The following ERVW-1 variants were observed in gnomAD, a reference collection of about 807,000 sequenced individuals.
The protein encoded by ERVW-1 is syncytin-1.
In ERVW-1, 21 loss-of-function variants were observed where a neutral mutation model predicts 16.6. The observed-to-expected ratio is 1.26, with a 90% CI of 0.90 to 1.82. ERVW-1 has a LOEUF of 1.82. Among genes scored for constraint, ERVW-1 ranks in the 40% most tolerant of loss-of-function variants. ERVW-1 has a pLI of 0.00. For missense variants in ERVW-1, 412 were observed against 300.2 expected (o/e 1.37, Z -2.75); for synonymous variants, 161 against 109.8 (o/e 1.47, Z -2.92).
intron 1 of ERVW-1, chr7:92,471,496 T>A (rs1790347208): frequency 6.6e-6 from 1 of 152,226 alleles, no homozygotes; most frequent in African/African-American, 2.4e-5. Context: ...CTTCAGTGGC[T>A]AGCCGTCCCG....
chr7:92,473,446 C>T (rs1790423966), intron 1 of ERVW-1, among the ~76,000 whole-genome samples: 1 of 151,946 alleles, frequency 6.6e-6, no homozygotes, highest in Admixed American at 6.6e-5. Context: ...TTTAGTTTAA[C>T]TTGAACAGGA....
Position 92,469,918 on chromosome 7 carries a change from T to C in ERVW-1, c.464A>G (p.His155Arg). The C allele has an allele frequency of 1.3e-6, 1 of 778,656 alleles. No individual in the cohort carries two copies. Among genetic ancestry groups the C allele is most frequent in the East Asian group, 2.4e-5 (1 of 41,246 alleles). The allele number at this position is 778,656 out of a possible 1,614,324, so 48.2% of individuals were successfully genotyped here. The change falls in exon 2 of 2, where the codon CAT (histidine) becomes CGT (arginine). Residue 155 changes from histidine to arginine, a missense_variant. Transcript: ENST00000603053. ...GCGAGTATGGGTACGGAGGGTTTCA[T>C]GTAGTTTTGAGAGATCTAGTCCTTT... ...PYKGLDLSKL[H>R]ETLRTHTRLV...
At chr7:92,470,654 C>T (rs972277332) in intron 1 of ERVW-1, 46 bp from the exon 2 acceptor site, 2 of 326,554 alleles carry the variant, frequency 6.1e-6, no homozygotes, top group East Asian at 5.5e-5. Flanking sequence ...AATACCATGT[C>T]ACAAGGGTGG....
At position 92,469,932 on chromosome 7, in the gene ERVW-1, A is replaced by T. The variant is rs1386389556; in HGVS notation, c.450T>A (p.Asp150Glu). 2.6e-6 allele frequency: 2 copies of T among 778,308 alleles called. No homozygotes were observed. Among genetic ancestry groups the T allele is most frequent in the Non-Finnish European group, 4.8e-6 (2 of 417,676 alleles). 48.2% of individuals were successfully genotyped at this position (778,308 alleles called of 1,614,324 possible). The change falls in exon 2 of 2, where the codon GAT (aspartate) becomes GAA (glutamate). Residue 150 changes from aspartate to glutamate, a missense_variant. By Grantham distance (45) the Asp-to-Glu change is conservative. Transcript: ENST00000603053. ...GGAGGGTTTCATGTAGTTTTGAGAG[A>T]TCTAGTCCTTTGTAGGGGCTAGAGG... ...HGTSSPYKGLDLSKLHETLRT... is the reference protein window; with the variant it reads ...HGTSSPYKGLELSKLHETLRT...
intron 1 of ERVW-1, among the ~76,000 whole-genome samples, chr7:92,473,703 G>T (rs1790434152): frequency 6.6e-6 from 1 of 151,816 alleles, no homozygotes; most frequent in African/African-American, 2.4e-5. Context: ...TCTAGTGACT[G>T]CCCGTCTTAG....
rs774778642 is a variant in ERVW-1 at position 92,469,303 on chromosome 7, C to T, written c.1079G>A (p.Arg360Gln). The T allele has an allele frequency of 3.3e-5, 25 of 764,536 alleles. No individual in the cohort carries two copies. The highest frequency in any genetic ancestry group is 2.4e-4 in the East Asian group (10 of 41,252). The allele number at this position is 764,536 out of a possible 1,614,324, so 47.4% of individuals were successfully genotyped here. The change falls in exon 2 of 2, where the codon CGG (arginine) becomes CAG (glutamine). Residue 360 changes from arginine to glutamine, a missense_variant. Physicochemically the swap from Arg to Gln is conservative, Grantham distance 43. Coordinates refer to ENST00000603053, the MANE Select transcript of ERVW-1 (RefSeq NM_001130925.2). ...LSQELNGDMERVADSLVTLQD... is the reference protein window; with the variant it reads ...LSQELNGDMEQVADSLVTLQD... Reference sequence around the variant, plus strand: ...CAAGGTGACCAGGGAGTCGGCGACCCGTTCCATGTCCCCATTTAGTTCTTG... The same window carrying T: ...CAAGGTGACCAGGGAGTCGGCGACCTGTTCCATGTCCCCATTTAGTTCTTG...
Position 92,469,549 on chromosome 7 carries a change from C to A in ERVW-1, c.833G>T (p.Arg278Leu). 1.3e-6 allele frequency: 1 copy of A among 765,792 alleles called. No individual in the cohort carries two copies. The highest frequency in any genetic ancestry group is 2.4e-6 in the Non-Finnish European group (1 of 417,622). The allele number at this position is 765,792 out of a possible 1,614,324, so 47.4% of individuals were successfully genotyped here. A position where few individuals can be genotyped will look rare whatever the true frequency, so the allele number is the denominator to read the frequency against. ...IFFVCGTSAY[R>L]CLNGSSESMC... ...AGATTCTGAAGAGCCATTCAAACAA[C>A]GATAGGCTGAGGTACCACAGACAAA... The change falls in exon 2 of 2, where the codon CGT becomes CTT. Residue 278 changes from arginine (R) to leucine (L), a missense_variant. Transcript: ENST00000603053.
Position 92,468,861 on chromosome 7 carries a change from G to C in ERVW-1, c.1521C>G (p.Ser507Arg). ...IYRRPLDRPA[S>R]PRSDVNDIKG... ...TGATGTCATTAACATCAGATCGTGG[G>C]CTAGCAGGCCGGTCCAGGGGTCTGC... The change falls in exon 2 of 2, where the codon AGC becomes AGG. Residue 507 changes from serine (S) to arginine (R), a missense_variant. Transcript: ENST00000603053. 1 of 764,454 alleles carries C rather than the reference G, an allele frequency of 1.3e-6. No homozygotes were observed. The highest frequency in any genetic ancestry group is 2.4e-6 in the Non-Finnish European group (1 of 417,868). 47.4% of individuals were successfully genotyped at this position (764,454 alleles called of 1,614,324 possible).
chr7:92,477,120 A>C (rs1790575553), intron 1 of ERVW-1, among the ~76,000 whole-genome samples: 1 of 152,114 alleles, frequency 6.6e-6, no homozygotes, highest in African/African-American at 2.4e-5. Context: ...GGAGTTCAGG[A>C]CGACAGCTTT....
intron 1 of ERVW-1, among the ~76,000 whole-genome samples, chr7:92,476,101 C>T (rs555642000): frequency 7.2e-5 from 11 of 152,126 alleles, no homozygotes; most frequent in Admixed American, 4.6e-4. Flanking sequence ...TAGGTCTGGT[C>T]GGACCTTTGT....
rs141113085 is a variant in ERVW-1, at chr7:92,468,565, A to G, written c.*200T>C. On this transcript the variant is annotated 3_prime_UTR_variant, in exon 2 of 2. Transcript: ENST00000603053. ...TTTCTTTACCTCCTGTCTTTGCCTA[A>G]TTAGCATTTTAGTGAGCTCTCTGAT... 0.05 allele frequency: 22,644 copies of G among 450,830 alleles called. 1,625 individuals are homozygous for G. Among genetic ancestry groups the G allele is most frequent in the East Asian group, 0.28 (7,434 of 26,880 alleles). The allele number at this position is 450,830 out of a possible 1,614,324, so 27.9% of individuals were successfully genotyped here.
rs771774380 is a variant in ERVW-1, at chr7:92,469,683, T to A, written c.699A>T (p.Ser233=). Reference sequence around the variant, plus strand: ...TGCTAAATTTTACACAGGTGAGGTTTGAGGTATGGGTTATTTCCAGATTGG... The same window carrying A: ...TGCTAAATTTTACACAGGTGAGGTTAGAGGTATGGGTTATTTCCAGATTGG... ...LVSNLEITHT[S]NLTCVKFSNT... is the part of the protein sequence containing the mutation. Residue 233 remains serine, a synonymous_variant, in exon 2 of 2, where the codon TCA becomes TCT. Coordinates refer to ENST00000603053, the MANE Select transcript of ERVW-1 (RefSeq NM_001130925.2). 2.6e-6 allele frequency: 2 copies of A among 764,286 alleles called. No homozygotes were observed. The highest frequency in any genetic ancestry group is 4.8e-6 in the Non-Finnish European group (2 of 417,890). The allele number at this position is 764,286 out of a possible 1,614,324, so 47.3% of individuals were successfully genotyped here.
At chr7:92,476,247 C>T (rs891054800) in intron 1 of ERVW-1, among the ~76,000 whole-genome samples, 2 of 152,138 alleles carry the variant, frequency 1.3e-5, no homozygotes, top group African/African-American at 4.8e-5. Flanking sequence ...TACCTTTTTG[C>T]TTTTTTTATT....
rs887909705 is a variant in ERVW-1, at chr7:92,470,110, A to G, written c.272T>C (p.Met91Thr). 1.3e-6 allele frequency: 1 copy of G among 778,562 alleles called. No individual in the cohort carries two copies. The highest frequency in any genetic ancestry group is 2.4e-6 in the Non-Finnish European group (1 of 417,926). 48.2% of individuals were successfully genotyped at this position (778,562 alleles called of 1,614,324 possible). ...TCCTCCAGGACAACTAGGATTAATC[A>G]TTTTTCCTGTCCAATAATGAGTATT... ...HANTHYWTGK[M>T]INPSCPGGLG... The change falls in exon 2 of 2, where the codon ATG becomes ACG. Residue 91 changes from methionine (M) to threonine (T), a missense_variant. Met to Thr is a moderately conservative substitution (Grantham distance 81). Coordinates refer to ENST00000603053, the MANE Select transcript of ERVW-1 (RefSeq NM_001130925.2).
At chr7:92,475,966 A>C (rs1790526475) in intron 1 of ERVW-1, among the ~76,000 whole-genome samples, 1 of 152,200 alleles carries the variant, frequency 6.6e-6, no homozygotes, top group Non-Finnish European at 1.5e-5. Flanking sequence ...ACCAGTTATT[A>C]GGCAATTTTT....
rs1333588885 is a variant in ERVW-1 at position 92,469,052 on chromosome 7, A to G, written c.1330T>C (p.Trp444Arg). 4.2e-6 allele frequency: 3 copies of G among 707,914 alleles called. No homozygotes were observed. Among genetic ancestry groups the G allele is most frequent in the Non-Finnish European group, 7.7e-6 (3 of 388,474 alleles). 43.9% of individuals were successfully genotyped at this position (707,914 alleles called of 1,614,324 possible). A position where few individuals can be genotyped will look rare whatever the true frequency, so the allele number is the denominator to read the frequency against. Residue 444 changes from tryptophan to arginine, a missense_variant, in exon 2 of 2, where the codon TGG becomes CGG. Transcript: ENST00000603053. ...NTGPWGLLSQ[W>R]MPWILPFLGP... ...AAGAAGGGGAGAATCCAGGGCATCC[A>G]TTGGCTGAGGAGGCCCCAGGGTCCA...
intron 1 of ERVW-1, among the ~76,000 whole-genome samples, chr7:92,476,513 T>C (rs1485168059): frequency 6.6e-6 from 1 of 152,242 alleles, no homozygotes; most frequent in Non-Finnish European, 1.5e-5. Flanking sequence ...AATTATCAAG[T>C]ACAGGTTTTA....
At chr7:92,474,187 TGATCTCTATTATAAAAAACC>T (rs1790451801) in intron 1 of ERVW-1, among the ~76,000 whole-genome samples, 1 of 152,148 alleles carries the variant, frequency 6.6e-6, no homozygotes, top group East Asian at 1.9e-4. Flanking sequence ...CTGCTCCTCC[TGATCTCTATTATAAAAAACC>T]GAGGTTGCCA....
chr7:92,471,169 C>T (rs117656305), intron 1 of ERVW-1: 8,256 of 166,952 alleles, frequency 0.049, 210 homozygotes, highest in Middle Eastern at 0.084. Context: ...TCTGCCCAAC[C>T]CGTGAAAGTA....
Sources: gnomAD v4.1 joint callset for allele counts (sites outside exome capture counted in the v4.1 genomes callset) on GRCh38, gnomAD v4.1.1 for gene constraint, MANE v1.5 for transcripts, NCBI Gene and HGNC (gene_info 2026-07-23, HGNC 2026-07-21) for gene names.